The following MFHAS1 variants were observed in gnomAD, a reference collection of about 807,000 sequenced individuals.
MFHAS1 encodes multifunctional ROCO family signaling regulator 1, also known as malignant fibrous histiocytoma-amplified sequence 1.
In MFHAS1, 50 loss-of-function variants were observed where a neutral mutation model predicts 70.4. That is an observed-to-expected ratio of 0.71 (90% confidence interval 0.57 to 0.90). The LOEUF is 0.90. Ranked by LOEUF, MFHAS1 falls within the 40% of genes least tolerant of loss-of-function variation. The pLI, the probability that MFHAS1 is intolerant of heterozygous loss-of-function variation, is 0.00. For missense variants in MFHAS1, 1,795 were observed against 1,347.6 expected (o/e 1.33, Z -5.20); for synonymous variants, 952 against 620.0 (o/e 1.54, Z -7.96).
At chr8:8,844,572 G>C (rs901373272) in intron 1 of MFHAS1, among the ~76,000 whole-genome samples, 1 of 152,206 alleles carries the variant, frequency 6.6e-6, no homozygotes. Context: ...GGCAGGGCTG[G>C]CTTCTGTCCA....
chr8:8,810,116 C>T (rs536441982), intron 1 of MFHAS1, among the ~76,000 whole-genome samples: 12 of 152,314 alleles, frequency 7.9e-5, no homozygotes, highest in Admixed American at 1.3e-4. Flanking sequence ...CCTGTAATCC[C>T]ATCACTTTGG....
chr8:8,788,960 A>G (rs763724487), intron 2 of MFHAS1, among the ~76,000 whole-genome samples: 33 of 152,156 alleles, frequency 2.2e-4, no homozygotes, highest in Non-Finnish European at 3.4e-4. Flanking sequence ...CAGGAGTTTG[A>G]ACTTGAGCCT....
chr8:8,837,431 C>G lies in MFHAS1; in HGVS notation c.2999-39940G>C, dbSNP rs375899981. On this transcript the variant is annotated intron_variant, in intron 1 of 2. Coordinates refer to ENST00000276282, the MANE Select transcript of MFHAS1 (RefSeq NM_004225.3). ...AAGGCGGGCGGATCACTTGAGAGAT[C>G]AGGAGTTCGAAACCAGTCTGGCCAA... Among the ~76,000 whole-genome samples the G allele has an allele frequency of 2.0e-5, 3 of 152,126 alleles. No individual in the cohort carries two copies. The East Asian group carries it at 5.8e-4, about 29-fold the overall frequency.
At chr8:8,889,602 C>A (rs988866853) in intron 1 of MFHAS1, among the ~76,000 whole-genome samples, 8 of 152,182 alleles carry the variant, frequency 5.3e-5, no homozygotes, top group African/African-American at 1.9e-4. Flanking sequence ...CCTATGTACT[C>A]ACGAAAATTT....
chr8:8,868,249 C>A (rs993733167), intron 1 of MFHAS1, among the ~76,000 whole-genome samples: 23 of 151,854 alleles, frequency 1.5e-4, no homozygotes, highest in African/African-American at 4.8e-4. Context: ...TAGCTACTTA[C>A]ATGTAAACTC....
chr8:8,863,759 C>T (rs1808752185), intron 1 of MFHAS1, among the ~76,000 whole-genome samples: 1 of 152,204 alleles, frequency 6.6e-6, no homozygotes, highest in Non-Finnish European at 1.5e-5. Flanking sequence ...CATCATCTCA[C>T]AGAACTAATC....
rs202053011 is a variant in MFHAS1, at chr8:8,891,883, G to A, written c.1176C>T (p.Ile392=). Residue 392 remains isoleucine, a synonymous_variant, in exon 1 of 3, where the codon ATC becomes ATT. Transcript: ENST00000276282. The surrounding 1 kb of genome is among the most constrained non-coding windows in gnomAD (Gnocchi z 5.4). ...GAGCCAGTTCCTTCTGGTAGGCTGC[G>A]ATGTAGGGGATCCCCTTCATGCAGA... ...YEVCMKGIPY[I]AAYQKELAHS... is the part of the protein sequence containing the mutation. 4.3e-6 allele frequency: 7 copies of A among 1,611,376 alleles called. No homozygotes were observed. The highest frequency in any genetic ancestry group is 2.2e-5 in the East Asian group (1 of 44,848).
chr8:8,885,676 T>C (rs1358823818), intron 1 of MFHAS1, among the ~76,000 whole-genome samples: 1 of 152,174 alleles, frequency 6.6e-6, no homozygotes, highest in Non-Finnish European at 1.5e-5. Context: ...GGGCAGCAAG[T>C]CTGCAAAAAA....
intron 1 of MFHAS1, among the ~76,000 whole-genome samples, chr8:8,803,902 G>T (rs1436903775): frequency 6.6e-6 from 1 of 152,098 alleles, no homozygotes; most frequent in Non-Finnish European, 1.5e-5. Flanking sequence ...AATCCAGGAG[G>T]CAGAGGTTTC....
intron 1 of MFHAS1, among the ~76,000 whole-genome samples, chr8:8,841,373 G>C (rs1181332257): frequency 2.0e-5 from 3 of 152,062 alleles, no homozygotes; most frequent in African/African-American, 7.2e-5. Flanking sequence ...TACTCGGGAG[G>C]CTGAGGCAGG....
At chr8:8,850,225 C>A (rs943106143) in intron 1 of MFHAS1, among the ~76,000 whole-genome samples, 5 of 152,206 alleles carry the variant, frequency 3.3e-5, no homozygotes, top group African/African-American at 1.2e-4. Context: ...TAACTCTCAG[C>A]TACACCCCTT....
At chr8:8,882,699 C>G (rs1809574840) in intron 1 of MFHAS1, among the ~76,000 whole-genome samples, 1 of 152,236 alleles carries the variant, frequency 6.6e-6, no homozygotes, top group South Asian at 2.1e-4. Context: ...CTGATCTGCC[C>G]TGTGCCAGGC....
At chr8:8,829,289 C>T (rs1324476200) in intron 1 of MFHAS1, among the ~76,000 whole-genome samples, 1 of 152,216 alleles carries the variant, frequency 6.6e-6, no homozygotes, top group Non-Finnish European at 1.5e-5. Flanking sequence ...TCTCCAGCAC[C>T]CTTCTCCGTG....
intron 1 of MFHAS1, among the ~76,000 whole-genome samples, chr8:8,821,248 A>G (rs1806944764): frequency 6.6e-6 from 1 of 152,200 alleles, no homozygotes; most frequent in South Asian, 2.1e-4. Context: ...GGATGCCTCT[A>G]AGGCCCCTGT....
At chr8:8,854,422 G>A (rs923382131) in intron 1 of MFHAS1, among the ~76,000 whole-genome samples, 1 of 152,146 alleles carries the variant, frequency 6.6e-6, no homozygotes, top group African/African-American at 2.4e-5. Flanking sequence ...TCCGGAGGCT[G>A]AGGCAGGATA....
chr8:8,885,522 T>A (rs1322856176), intron 1 of MFHAS1, among the ~76,000 whole-genome samples: 1 of 152,148 alleles, frequency 6.6e-6, no homozygotes, highest in African/African-American at 2.4e-5. Flanking sequence ...TACCAACTCT[T>A]TGAGTTTAGA....
chr8:8,788,134 A>T (rs1333831316), intron 2 of MFHAS1, among the ~76,000 whole-genome samples: 1 of 152,182 alleles, frequency 6.6e-6, no homozygotes, highest in East Asian at 1.9e-4. Flanking sequence ...TGTTTCAATT[A>T]TAATTAGACT....
rs150251926 is a variant in MFHAS1, at chr8:8,864,554, T to G, written c.2998+25507A>C. The stretch of plus-strand genomic sequence containing the variant: ...TGCAATCTACAAATAACTGTTTCAG[T>G]GAGATCACTTTTTATTTCTCCTAAA... On this transcript the variant is annotated intron_variant, in intron 1 of 2. Coordinates refer to ENST00000276282, the MANE Select transcript of MFHAS1 (RefSeq NM_004225.3). Among the ~76,000 whole-genome samples the G allele has an allele frequency of 1.8e-3, 277 of 152,388 alleles. 1 individual carries two copies. The highest frequency in any genetic ancestry group is 6.5e-3 in the African/African-American group (270 of 41,588).
intron 1 of MFHAS1, among the ~76,000 whole-genome samples, chr8:8,828,937 T>C (rs1051776029): frequency 6.6e-6 from 1 of 152,178 alleles, no homozygotes; most frequent in African/African-American, 2.4e-5. Flanking sequence ...TCTGTCAATC[T>C]GCTAAGAGCA....
Sources: allele counts gnomAD v4.1 joint callset (sites outside exome capture counted in the v4.1 genomes callset), GRCh38; gene constraint gnomAD v4.1.1; non-coding constraint Gnocchi (gnomAD v3.1); transcripts MANE v1.5; gene names NCBI Gene and HGNC (gene_info 2026-07-23, HGNC 2026-07-21).